Variants in EGFLAM observed in about 807,000 individuals in gnomAD.
EGFLAM encodes pikachurin.
EGFLAM carries 79 observed loss-of-function variants against 113.1 expected under a neutral mutation model. That is an observed-to-expected ratio of 0.70 (90% confidence interval 0.58 to 0.84). EGFLAM has a LOEUF of 0.84. EGFLAM is among the 40% of genes least tolerant of loss of function. The pLI, the probability that EGFLAM is intolerant of heterozygous loss-of-function variation, is 0.00. For synonymous variants in EGFLAM, 504 were observed against 487.6 expected (o/e 1.03, Z -0.44); for missense variants, 1,265 against 1,291.6 (o/e 0.98, Z 0.32).
In EGFLAM at chr5:38,352,304, T is replaced by G; in HGVS notation, c.518T>G (p.Ile173Ser). Residue 173 changes from isoleucine to serine, a missense_variant, in exon 5 of 22, where the codon ATT becomes AGT. Physicochemically the swap from Ile to Ser is moderately radical, Grantham distance 142 (BLOSUM62 -2). Transcript: ENST00000322350. The stretch of plus-strand genomic sequence containing the variant: ...GGAGCGAGTGAAGGAAGCGCCCCTA[T>G]TCAGTACTATTCTGTGGAATTCATC... ...KPGASEGSAPIQYYSVEFIRP... is the reference protein window; with the variant it reads ...KPGASEGSAPSQYYSVEFIRP... 2 of 1,614,080 alleles carry G rather than the reference T, an allele frequency of 1.2e-6. No homozygotes were observed. The highest frequency in any genetic ancestry group is 2.2e-5 in the South Asian group (2 of 91,082).
At chr5:38,461,676 T>C (rs895720741) in intron 20 of EGFLAM, among the ~76,000 whole-genome samples, 1 of 152,052 alleles carries the variant, frequency 6.6e-6, no homozygotes, top group African/African-American at 2.4e-5. Context: ...TCTAGAAGAG[T>C]TGCTATCAAG....
chr5:38,392,639 G>C (rs1740844004), intron 6 of EGFLAM, among the ~76,000 whole-genome samples: 1 of 149,430 alleles, frequency 6.7e-6, no homozygotes, highest in Non-Finnish European at 1.5e-5. Context: ...TGGGGGGGCG[G>C]TTCTCACTGG....
At chr5:38,359,334 C>T (rs996828891) in intron 5 of EGFLAM, among the ~76,000 whole-genome samples, 6 of 152,152 alleles carry the variant, frequency 3.9e-5, no homozygotes, top group South Asian at 2.1e-4. Context: ...TGCATTGTCA[C>T]CTTCTGGAAG....
intron 12 of EGFLAM, among the ~76,000 whole-genome samples, chr5:38,422,996 T>C (rs1474089086): frequency 6.6e-6 from 1 of 152,178 alleles, no homozygotes; most frequent in Non-Finnish European, 1.5e-5. Context: ...TTGGAAACTC[T>C]GGGAACCTCT....
chr5:38,296,235 C>T (rs1048631505), intron 1 of EGFLAM, among the ~76,000 whole-genome samples: 1 of 152,154 alleles, frequency 6.6e-6, no homozygotes, highest in African/African-American at 2.4e-5. Context: ...AGAAAGTCTT[C>T]TGACTTTTAT....
At chr5:38,384,851 G>T (rs1164275856) in intron 6 of EGFLAM, among the ~76,000 whole-genome samples, 1 of 152,102 alleles carries the variant, frequency 6.6e-6, no homozygotes, top group Non-Finnish European at 1.5e-5. Context: ...TCAACTGGGG[G>T]TGATTTTGGT....
chr5:38,405,940 T>G (rs1455847066), intron 6 of EGFLAM, among the ~76,000 whole-genome samples, 186 bp from the exon 7 acceptor site: 1 of 152,224 alleles, frequency 6.6e-6, no homozygotes, highest in Non-Finnish European at 1.5e-5. Flanking sequence ...CCTTAGTAAC[T>G]TATGAGAGGA....
rs1743406713 is a variant in EGFLAM, at chr5:38,464,563, T to C, written c.*577T>C. 6.6e-6 allele frequency: 1 copy of C among 152,478 alleles called. No individual in the cohort carries two copies. The highest frequency in any genetic ancestry group is 2.4e-5 in the African/African-American group (1 of 41,460). The allele number at this position is 152,478 out of a possible 1,614,324, so 9.4% of individuals were successfully genotyped here. A position where few individuals can be genotyped will look rare whatever the true frequency, so the allele number is the denominator to read the frequency against. ...AAGGAGATCAAACACAGAATCATAATCATAATGCGGCCCCCTTCCCCAGAG... is the reference window on the plus strand; with the variant it reads ...AAGGAGATCAAACACAGAATCATAACCATAATGCGGCCCCCTTCCCCAGAG... On this transcript the variant is annotated 3_prime_UTR_variant, in exon 22 of 22. Transcript: ENST00000322350.
chr5:38,280,181 T>A lies in EGFLAM; in HGVS notation c.97+21330T>A, dbSNP rs79093571. On this transcript the variant is annotated intron_variant, in intron 1 of 21. Transcript: ENST00000322350. ...CTTGAATATTTTTATAATAAAGTGA[T>A]GATGGAAAAATATGAACTACCAACA... 2.5e-4 allele frequency among the ~76,000 whole-genome samples: 38 copies of A among 152,330 alleles called. 1 individual carries two copies. The East Asian group carries it at 5.4e-3, about 22-fold the overall frequency.
chr5:38,461,750 G>C (rs1679405305), intron 20 of EGFLAM, among the ~76,000 whole-genome samples: 1 of 152,152 alleles, frequency 6.6e-6, no homozygotes, highest in Non-Finnish European at 1.5e-5. Context: ...CTTGAACAAG[G>C]CTCATGGGGC....
intron 1 of EGFLAM, among the ~76,000 whole-genome samples, chr5:38,324,876 C>T (rs1410596614): frequency 6.6e-6 from 1 of 152,074 alleles, no homozygotes; most frequent in African/African-American, 2.4e-5. Context: ...ATCAACTTGA[C>T]GCTGAGGGTG....
chr5:38,449,618 CA>C, intron 18 of EGFLAM, among the ~76,000 whole-genome samples: 1 of 152,014 alleles, frequency 6.6e-6, no homozygotes, highest in Non-Finnish European at 1.5e-5. Flanking sequence ...ACATGAGGCC[CA>C]AAACCACAGC....
intron 17 of EGFLAM, among the ~76,000 whole-genome samples, chr5:38,442,992 G>A (rs1742594013): frequency 6.6e-6 from 1 of 152,200 alleles, no homozygotes; most frequent in African/African-American, 2.4e-5. Context: ...CAGGCCAGGC[G>A]CAGTGGCTCA....
chr5:38,449,459 C>T (rs912200181), intron 18 of EGFLAM, among the ~76,000 whole-genome samples: 3 of 152,324 alleles, frequency 2.0e-5, no homozygotes, highest in Admixed American at 1.3e-4. Context: ...CGTCCTCCTT[C>T]TTCAGCCCTT....
chr5:38,458,363 G>C lies in EGFLAM; in HGVS notation c.2740G>C (p.Asp914His), dbSNP rs148613168. The change falls in exon 20 of 22, where the codon GAT (aspartate) becomes CAT (histidine). Residue 914 changes from aspartate (D) to histidine (H), a missense_variant. Asp to His is a moderately conservative substitution (Grantham distance 81). Coordinates refer to ENST00000322350, the MANE Select transcript of EGFLAM (RefSeq NM_152403.4). ...ASIMVNGSFN[D>H]GRWHRVKAVR... is the part of the protein sequence containing the mutation. ...CATCATGGTGAATGGCTCCTTCAAC[G>C]ATGGTCGGTGGCACCGAGTTAAGGC... 1 of 1,614,056 alleles carries C rather than the reference G, an allele frequency of 6.2e-7. No individual in the cohort carries two copies. The highest frequency in any genetic ancestry group is 1.7e-5 in the Admixed American group (1 of 60,006).
intron 1 of EGFLAM, among the ~76,000 whole-genome samples, chr5:38,303,303 C>G (rs114443021): frequency 6.6e-6 from 1 of 152,202 alleles, no homozygotes; most frequent in African/African-American, 2.4e-5. Context: ...AAAAATTTCA[C>G]TGGAAATATA....
intron 1 of EGFLAM, among the ~76,000 whole-genome samples, chr5:38,291,147 C>T (rs1168216662): frequency 6.6e-6 from 1 of 152,168 alleles, no homozygotes; most frequent in Non-Finnish European, 1.5e-5. Flanking sequence ...TCTGTGGTGT[C>T]TCGCATAGCA....
intron 1 of EGFLAM, among the ~76,000 whole-genome samples, chr5:38,330,184 T>G (rs1291403876): frequency 2.6e-5 from 4 of 152,148 alleles, no homozygotes; most frequent in Non-Finnish European, 4.4e-5. Context: ...AACTACATTT[T>G]CCAGACTATC....
At chr5:38,370,258 C>A (rs757475043) in intron 5 of EGFLAM, 38 bp from the exon 6 acceptor site, 1 of 1,596,028 alleles carries the variant, frequency 6.3e-7, no homozygotes, top group Non-Finnish European at 8.6e-7. Flanking sequence ...TCTGGTATTT[C>A]TGAACTACTG....
Sources: gnomAD v4.1 joint callset for allele counts (sites outside exome capture counted in the v4.1 genomes callset) on GRCh38, gnomAD v4.1.1 for gene constraint, MANE v1.5 for transcripts, NCBI Gene and HGNC (gene_info 2026-07-23, HGNC 2026-07-21) for gene names.